The following RB1CC1 variants were observed in gnomAD, a reference collection of about 807,000 sequenced individuals.
RB1CC1 encodes RB1-inducible coiled-coil protein 1.
RB1CC1 carries 46 observed loss-of-function variants against 177.5 expected under a neutral mutation model. That is an observed-to-expected ratio of 0.26 (90% CI 0.20 to 0.33). The LOEUF (loss-of-function observed/expected upper bound fraction) is 0.33, where lower values mean the gene tolerates loss of function less well. Among genes scored for constraint, RB1CC1 ranks in the 10% least tolerant of loss-of-function variants. RB1CC1 has a pLI of 1.00. For synonymous variants in RB1CC1, 666 were observed against 613.6 expected (o/e 1.09, Z -1.26); for missense variants, 1,703 against 1,816.3 (o/e 0.94, Z 1.13).
intron 7 of RB1CC1, among the ~76,000 whole-genome samples, chr8:52,670,647 C>T (rs550855054): frequency 6.6e-6 from 1 of 152,276 alleles, no homozygotes; most frequent in East Asian, 1.9e-4. Flanking sequence ...GTTAGAAACA[C>T]AAATCAGTGT....
Position 52,674,067 on chromosome 8 carries a change from C to A in RB1CC1, c.780G>T (p.Lys260Asn). The change falls in exon 7 of 24, where the codon AAG (lysine) becomes AAT (asparagine). Residue 260 changes from lysine (K) to asparagine (N), a missense_variant. By Grantham distance (94) the Lys-to-Asn change is moderately conservative (BLOSUM62 0). This residue lies in a region of RB1CC1 where 315 missense variants were observed against 304.9 expected (regional missense o/e 1.03). Transcript: ENST00000025008. ...TNESLLTSFPKSVEHVSPDTA... is the reference protein window; with the variant it reads ...TNESLLTSFPNSVEHVSPDTA... ...TATCTGGGGACACATGTTCCACTGA[C>A]TTGGGAAATGAGGTTAACAAAGATT... 1.2e-6 allele frequency: 2 copies of A among 1,614,102 alleles called. No homozygotes were observed. The highest frequency in any genetic ancestry group is 1.7e-6 in the Non-Finnish European group (2 of 1,179,994).
chr8:52,633,120 T>C (rs1848880430), intron 20 of RB1CC1, among the ~76,000 whole-genome samples: 1 of 152,202 alleles, frequency 6.6e-6, no homozygotes, highest in African/African-American at 2.4e-5. Flanking sequence ...ACATACTGGT[T>C]GATATCTCAT....
At chr8:52,655,970 T>C in intron 15 of RB1CC1, 38 bp downstream of exon 15, 2 of 1,451,880 alleles carry the variant, frequency 1.4e-6, no homozygotes, top group South Asian at 2.5e-5. Context: ...ATCACTGATA[T>C]TTTAATTTTA....
chr8:52,637,885 G>A (rs938419110), intron 18 of RB1CC1, among the ~76,000 whole-genome samples: 1 of 152,086 alleles, frequency 6.6e-6, no homozygotes, highest in African/African-American at 2.4e-5. Context: ...TGGCCAGGCT[G>A]ATCTTGAACT....
At chr8:52,672,199 C>T (rs1852667125) in intron 7 of RB1CC1, among the ~76,000 whole-genome samples, 1 of 152,144 alleles carries the variant, frequency 6.6e-6, no homozygotes, top group South Asian at 2.1e-4. Context: ...CCAAGCTGGT[C>T]TTGAACTTCT....
chr8:52,706,651 G>A (rs925758251), intron 1 of RB1CC1, among the ~76,000 whole-genome samples: 1 of 151,104 alleles, frequency 6.6e-6, no homozygotes, highest in East Asian at 2.0e-4. Flanking sequence ...AGAATGGCGT[G>A]AACCCAGGAG....
Position 52,636,042 on chromosome 8 carries a change from T to C in RB1CC1, c.4365A>G (p.Glu1455=). 1 of 1,607,672 alleles carries C rather than the reference T, an allele frequency of 6.2e-7. No individual in the cohort carries two copies. The highest frequency in any genetic ancestry group is 8.5e-7 in the Non-Finnish European group (1 of 1,178,176). The change falls in exon 19 of 24, where the codon GAA becomes GAG. Residue 1455 remains glutamate (E), a synonymous_variant. Transcript: ENST00000025008. ...GTTCTAACAGCATTATCCGCTGTTTTTCTTCAGACAACATATGAATATTTT... is the reference window on the plus strand; with the variant it reads ...GTTCTAACAGCATTATCCGCTGTTTCTCTTCAGACAACATATGAATATTTT... The part of the protein sequence containing the change: ...VQENIHMLSE[E]KQRIMLLERT...
chr8:52,638,734 T>A (rs1379501019), intron 18 of RB1CC1, among the ~76,000 whole-genome samples: 1 of 152,126 alleles, frequency 6.6e-6, no homozygotes, highest in Admixed American at 6.5e-5. Flanking sequence ...AAATTTAGTC[T>A]TTACTACATC....
At chr8:52,663,160 G>T (rs1037963310) in intron 8 of RB1CC1, among the ~76,000 whole-genome samples, 2 of 152,030 alleles carry the variant, frequency 1.3e-5, no homozygotes, top group African/African-American at 2.4e-5. Context: ...AATAAGGTTT[G>T]ACAGCTACAT....
At position 52,669,875 on chromosome 8, in the gene RB1CC1, A is replaced by G. The variant is rs117353285; in HGVS notation, c.1003-1684T>C. 1.4e-4 allele frequency among the ~76,000 whole-genome samples: 21 copies of G among 152,372 alleles called. No individual in the cohort carries two copies. The East Asian group carries it at 4.1e-3, about 29-fold the overall frequency. On this transcript the variant is annotated intron_variant, in intron 7 of 23. Coordinates refer to ENST00000025008, the MANE Select transcript of RB1CC1 (RefSeq NM_014781.5). The stretch of plus-strand genomic sequence containing the variant: ...CCTGAATACAACGTATCTGAATTTA[A>G]TAATTCATTGAAAGTATAACTGCAC...
chr8:52,687,077 TC>T (rs1854335890), intron 1 of RB1CC1, 110 bp from the exon 2 acceptor site: 2 of 386,514 alleles, frequency 5.2e-6, no homozygotes, highest in Non-Finnish European at 5.1e-6. Context: ...TAATCTCTAC[TC>T]AGGCCCTTCT....
rs1352589508 is a variant in RB1CC1 at position 52,676,706 on chromosome 8, T to C, written c.370-135A>G. The C allele has an allele frequency of 1.7e-5, 14 of 819,634 alleles. No individual in the cohort carries two copies. In the Admixed American group the frequency reaches 2.0e-4, roughly 12 times the overall value. The allele number at this position is 819,634 out of a possible 1,614,324, so 50.8% of individuals were successfully genotyped here. A position where few individuals can be genotyped will look rare whatever the true frequency, so the allele number is the denominator to read the frequency against. ...AACAAAGTATTTCAAAGGACTGTTT[T>C]AGTTTATCTCTGTTCTCTTCTGTAA... On this transcript the variant is annotated intron_variant, in intron 5 of 23. Transcript: ENST00000025008.
chr8:52,693,378 C>T (rs1307335221), intron 1 of RB1CC1, among the ~76,000 whole-genome samples: 1 of 151,980 alleles, frequency 6.6e-6, no homozygotes, highest in Non-Finnish European at 1.5e-5. Flanking sequence ...ATCCATCTGA[C>T]AAAGGTCTAA....
At position 52,624,697 on chromosome 8, in the gene RB1CC1, T is replaced by A. The variant is rs1848259413; in HGVS notation, c.4707+20A>T. The stretch of plus-strand genomic sequence containing the variant: ...TTCTTTACAGTTCCCAGGCTTAGTA[T>A]CACATGATGTCGTTTTTACCTTTTT... On this transcript the variant is annotated intron_variant, in intron 23 of 23. Coordinates refer to ENST00000025008, the MANE Select transcript of RB1CC1 (RefSeq NM_014781.5). The A allele has an allele frequency of 6.5e-7, 1 of 1,546,924 alleles. No homozygotes were observed. The highest frequency in any genetic ancestry group is 1.4e-5 in the African/African-American group (1 of 73,116).
chr8:52,653,814 A>AT (rs1850845392), intron 15 of RB1CC1, among the ~76,000 whole-genome samples: 2 of 152,208 alleles, frequency 1.3e-5, no homozygotes, highest in Non-Finnish European at 2.9e-5. Flanking sequence ...ATTTCCTTTA[A>AT]GCATCATGTC....
rs201864776 is a variant in RB1CC1, at chr8:52,645,539, T to TA, written c.3987+162dup. Among the ~76,000 whole-genome samples the TA allele has an allele frequency of 5.1e-3, 780 of 152,286 alleles. 4 individuals carry two copies. The highest frequency in any genetic ancestry group is 0.02 in the Middle Eastern group (6 of 294). ...GAGTAAAAAAACTAAAAAAAATTCT[T>TA]AAAAATACACGCTTTTGTCAAGAGG... On this transcript the variant is annotated intron_variant, in intron 16 of 23. Transcript: ENST00000025008.
intron 6 of RB1CC1, among the ~76,000 whole-genome samples, chr8:52,674,991 C>T (rs1852964889): frequency 6.6e-6 from 1 of 152,150 alleles, no homozygotes; most frequent in Admixed American, 6.5e-5. Flanking sequence ...AACTCTTGTA[C>T]TCATAACACC....
At chr8:52,681,836 G>C (rs970755960) in intron 5 of RB1CC1, among the ~76,000 whole-genome samples, 38 of 152,332 alleles carry the variant, frequency 2.5e-4, no homozygotes, top group African/African-American at 8.9e-4. Flanking sequence ...CTAGATTTCA[G>C]AAGATGTACG....
chr8:52,641,247 G>C (rs926004829), intron 18 of RB1CC1, among the ~76,000 whole-genome samples: 2 of 151,820 alleles, frequency 1.3e-5, no homozygotes, highest in African/African-American at 4.8e-5. Flanking sequence ...AGCCAGGCGT[G>C]GTGGCAGGCG....
Sources: allele counts gnomAD v4.1 joint callset (sites outside exome capture counted in the v4.1 genomes callset), GRCh38; gene constraint gnomAD v4.1.1; regional missense constraint gnomAD v4.1.1; transcripts MANE v1.5; gene names NCBI Gene and HGNC (gene_info 2026-07-23, HGNC 2026-07-21).